The following NKIRAS2 variants were observed in gnomAD, a reference collection of about 807,000 sequenced individuals.
NKIRAS2 encodes the protein NFKB inhibitor interacting Ras like 2.
A neutral mutation model predicts 20.7 loss-of-function variants in NKIRAS2; 15 were observed. The ratio of observed to expected loss-of-function variants is 0.73; its 90% CI spans 0.49 to 1.12. The LOEUF (loss-of-function observed/expected upper bound fraction) is 1.12, where lower values mean the gene tolerates loss of function less well. Among genes scored for constraint, NKIRAS2 ranks in the 50% most tolerant of loss-of-function variants. The pLI is 0.00. For missense variants in NKIRAS2, 196 were observed against 249.6 expected (o/e 0.79, Z 1.45); for synonymous variants, 116 against 101.4 (o/e 1.14, Z -0.87).
At position 42,021,555 on chromosome 17, in the gene NKIRAS2, T is replaced by G; in HGVS notation, c.-14-9T>G. 4 of 1,612,532 alleles carry G rather than the reference T, an allele frequency of 2.5e-6. No individual in the cohort carries two copies. Among genetic ancestry groups the G allele is most frequent in the Non-Finnish European group, 3.4e-6 (4 of 1,178,556 alleles). ...CCTCACCTTACCCAGCGTGCTTCTGTTCTTCAAGGTTGAAAACTAAGCATG... is the reference window on the plus strand; with the variant it reads ...CCTCACCTTACCCAGCGTGCTTCTGGTCTTCAAGGTTGAAAACTAAGCATG... On this transcript the variant is annotated splice_polypyrimidine_tract_variant and intron_variant, in intron 1 of 3. Transcript: ENST00000393885.
Position 42,022,455 on chromosome 17 carries a change from C to CG in NKIRAS2, c.157dup (p.Val53GlyfsTer9), listed in dbSNP as rs781916716. On this transcript the variant is annotated frameshift_variant, in exon 3 of 4. Coordinates refer to ENST00000393885, the MANE Select transcript of NKIRAS2 (RefSeq NM_017595.6). LOFTEE classifies it high-confidence loss of function. ...CTACGTGGGCTCCATTGAGACAGAC[C>CG]GGGGGGTGCGAGAGCAGGTGCGTTT... 7.4e-6 allele frequency: 12 copies of CG among 1,610,746 alleles called. No individual in the cohort carries two copies. Among genetic ancestry groups the CG allele is most frequent in the South Asian group, 4.4e-5 (4 of 90,998 alleles).
chr17:42,021,691 G>A lies in NKIRAS2; in HGVS notation c.94+20G>A, dbSNP rs1555653068. On this transcript the variant is annotated intron_variant, in intron 2 of 3. Transcript: ENST00000393885. ...TAGTGGGTGAGTGTTGTTGGAGGGG[G>A]AGGAACAGTGGAAGAAGTTGAAAAA... The A allele has an allele frequency of 6.3e-7, 1 of 1,598,664 alleles. No homozygotes were observed.
upstream of NKIRAS2, chr17:42,017,700 C>A: frequency 1.8e-6 from 1 of 543,290 alleles, no homozygotes; most frequent in Non-Finnish European, 3.3e-6. Context: ...TAGGGCTTGG[C>A]TGCTTTCAGT....
At position 42,021,769 on chromosome 17, in the gene NKIRAS2, GT is replaced by G. The variant is rs1297123460; in HGVS notation, c.94+102del. ...CACAGGCTAAAAGCTGCTCCTGGTG[GT>G]TTTCCCCCCTGGAAGAATAAAACTT... On this transcript the variant is annotated intron_variant, in intron 2 of 3. Transcript: ENST00000393885. The G allele has an allele frequency of 8.0e-6, 9 of 1,129,636 alleles. No homozygotes were observed. The East Asian group carries it at 9.4e-5, about 12-fold the overall frequency. 70.0% of individuals were successfully genotyped at this position (1,129,636 alleles called of 1,614,324 possible).
chr17:42,022,007 C>T (rs1017404151), intron 2 of NKIRAS2: 13 of 549,448 alleles, frequency 2.4e-5, no homozygotes, highest in South Asian at 1.4e-4. Context: ...GTCGGGAGTT[C>T]GAGACCAGCC....
chr17:42,017,709 G>A (rs530807741), upstream of NKIRAS2: 95 of 527,802 alleles, frequency 1.8e-4, no homozygotes, highest in Non-Finnish European at 3.0e-4. Context: ...GCTGCTTTCA[G>A]TATTCCAAGA....
At chr17:42,023,540 G>T (rs2052507477) in intron 3 of NKIRAS2, 114 bp from the exon 4 acceptor site, 2 of 894,540 alleles carry the variant, frequency 2.2e-6, no homozygotes, top group Non-Finnish European at 3.5e-6. Flanking sequence ...AAAGAGATGA[G>T]ATATCAGCCA....
Position 42,023,892 on chromosome 17 carries a change from G to A in NKIRAS2, c.575G>A (p.Ter192=), listed in dbSNP as rs782237937. The A allele has an allele frequency of 1.5e-5, 25 of 1,613,876 alleles. No homozygotes were observed. Among genetic ancestry groups the A allele is most frequent in the Non-Finnish European group, 1.9e-5 (23 of 1,179,870 alleles). ...KNKGSGSLDG[*] ...AAGGGCAGCGGCTCCTTGGATGGCT[G>A]AAGAGCTGCCGTTCCTCTTTCACGA... Residue 192 remains the stop codon, a stop_retained_variant, in exon 4 of 4, where the codon TGA becomes TAA. Coordinates refer to ENST00000393885, the MANE Select transcript of NKIRAS2 (RefSeq NM_017595.6).
chr17:42,022,908 G>A (rs1555653396), intron 3 of NKIRAS2: 3 of 402,682 alleles, frequency 7.5e-6, no homozygotes, highest in Non-Finnish European at 1.4e-5. Flanking sequence ...CTGACCTAAT[G>A]TATGAAGCCC....
At chr17:42,021,764 T>A in intron 2 of NKIRAS2, 93 bp downstream of exon 2, 1 of 1,208,728 alleles carries the variant, frequency 8.3e-7, no homozygotes, top group Non-Finnish European at 1.2e-6. Context: ...AAGCTGCTCC[T>A]GGTGGTTTTC....
chr17:42,022,695 G>C (rs2052486376), intron 3 of NKIRAS2, 55 bp downstream of exon 3: 1 of 1,565,118 alleles, frequency 6.4e-7, no homozygotes. Context: ...TTTGGGCGGA[G>C]GGCTGGTTTG....
Position 42,021,658 on chromosome 17 carries a change from G to A in NKIRAS2, c.81G>A (p.Gly27=), listed in dbSNP as rs1555653059. ...KTSILEQLLY[G]NHVVGSEMIE... ...CAATCCTGGAGCAGCTTCTGTATGG[G>A]AACCATGTAGTGGGTGAGTGTTGTT... The change falls in exon 2 of 4, where the codon GGG becomes GGA. Residue 27 remains glycine, a synonymous_variant. Coordinates refer to ENST00000393885, the MANE Select transcript of NKIRAS2 (RefSeq NM_017595.6). 2 of 1,613,890 alleles carry A rather than the reference G, an allele frequency of 1.2e-6. No individual in the cohort carries two copies. The highest frequency in any genetic ancestry group is 1.3e-5 in the African/African-American group (1 of 74,904).
At chr17:42,020,623 T>A (rs1195124345) in intron 1 of NKIRAS2, 1 of 152,254 alleles carries the variant, frequency 6.6e-6, no homozygotes, top group Non-Finnish European at 1.5e-5. Context: ...TCTGAAGCCT[T>A]TTTTTCCGTA....
Position 42,024,101 on chromosome 17 carries a change from C to G in NKIRAS2, c.*208C>G. The G allele has an allele frequency of 4.4e-6, 3 of 687,510 alleles. No individual in the cohort carries two copies. The highest frequency in any genetic ancestry group is 7.0e-6 in the Non-Finnish European group (3 of 428,724). The allele number at this position is 687,510 out of a possible 1,614,324, so 42.6% of individuals were successfully genotyped here. A position where few individuals can be genotyped will look rare whatever the true frequency, so the allele number is the denominator to read the frequency against. On this transcript the variant is annotated 3_prime_UTR_variant, in exon 4 of 4. Coordinates refer to ENST00000393885, the MANE Select transcript of NKIRAS2 (RefSeq NM_017595.6). ...ACATCCCCTTCCTCAGCCCTCCCAG[C>G]CTACTCCCCATCCCAGCTTTTAGAG...
Position 42,022,465 on chromosome 17 carries a change from G to A in NKIRAS2, c.161G>A (p.Arg54Gln), listed in dbSNP as rs781787864. The change falls in exon 3 of 4, where the codon CGA becomes CAA. Residue 54 changes from arginine (R) to glutamine (Q), a missense_variant. Arg to Gln is a conservative substitution (Grantham distance 43). Transcript: ENST00000393885. Reference sequence around the variant, plus strand: ...TCCATTGAGACAGACCGGGGGGTGCGAGAGCAGGTGCGTTTCTATGACACC... The same window carrying A: ...TCCATTGAGACAGACCGGGGGGTGCAAGAGCAGGTGCGTTTCTATGACACC... Reference protein sequence around the residue: ...VGSIETDRGVREQVRFYDTRG... With the variant: ...VGSIETDRGVQEQVRFYDTRG... 6.8e-6 allele frequency: 11 copies of A among 1,612,498 alleles called. No homozygotes were observed. The highest frequency in any genetic ancestry group is 4.4e-5 in the South Asian group (4 of 91,072).
chr17:42,018,055 T>C (rs1313577206), upstream of NKIRAS2, among the ~76,000 whole-genome samples: 1 of 152,106 alleles, frequency 6.6e-6, no homozygotes, highest in Non-Finnish European at 1.5e-5. Flanking sequence ...CAAGGCTCCT[T>C]TCATGTCAGC....
Position 42,024,053 on chromosome 17 carries a change from G to C in NKIRAS2, c.*160G>C. 1 of 1,137,706 alleles carries C rather than the reference G, an allele frequency of 8.8e-7. No homozygotes were observed. The highest frequency in any genetic ancestry group is 1.2e-6 in the Non-Finnish European group (1 of 826,084). The allele number at this position is 1,137,706 out of a possible 1,614,324, so 70.5% of individuals were successfully genotyped here. A position where few individuals can be genotyped will look rare whatever the true frequency, so the allele number is the denominator to read the frequency against. On this transcript the variant is annotated 3_prime_UTR_variant, in exon 4 of 4. Transcript: ENST00000393885. ...GCCACTTTGCTCCCTCTCACCTCTG[G>C]GAAGTGCAAATACTCTTGGTTGACA...
At chr17:42,021,893 C>T (rs1447946207) in intron 2 of NKIRAS2, 5 of 723,758 alleles carry the variant, frequency 6.9e-6, no homozygotes, top group Non-Finnish European at 1.3e-5. Context: ...CACACTTGTG[C>T]TTAGCATGGA....
At chr17:42,021,197 A>G in intron 1 of NKIRAS2, 1 of 227,398 alleles carries the variant, frequency 4.4e-6, no homozygotes. Flanking sequence ...TTGCGCACAG[A>G]AGGGAACCTG....
Sources: allele counts gnomAD v4.1 joint callset (sites outside exome capture counted in the v4.1 genomes callset), GRCh38; gene constraint gnomAD v4.1.1; transcripts MANE v1.5; gene names NCBI Gene and HGNC (gene_info 2026-07-23, HGNC 2026-07-21).